The following KCNQ5 variants were observed in gnomAD, a reference collection of about 807,000 sequenced individuals.
KCNQ5 encodes the protein potassium voltage-gated channel subfamily KQT member 5.
Under a neutral mutation model 98.2 loss-of-function variants are expected in KCNQ5, and 30 were observed. That is an observed-to-expected ratio of 0.31 (90% CI 0.23 to 0.41). KCNQ5 has a LOEUF of 0.41. Ranked by LOEUF, KCNQ5 falls within the 10% of genes least tolerant of loss-of-function variation. KCNQ5 has a pLI of 1.00. For missense variants in KCNQ5, 835 were observed against 1,182.5 expected (o/e 0.71, Z 4.31); for synonymous variants, 458 against 449.4 (o/e 1.02, Z -0.24).
At chr6:72,785,087 C>T (rs1456931388) in intron 1 of KCNQ5, among the ~76,000 whole-genome samples, 1 of 152,204 alleles carries the variant, frequency 6.6e-6, no homozygotes, top group East Asian at 1.9e-4. Flanking sequence ...CACTAAAGTG[C>T]TTTAGACTTG....
chr6:72,896,964 G>T (rs1779276491), intron 1 of KCNQ5, among the ~76,000 whole-genome samples: 1 of 151,874 alleles, frequency 6.6e-6, no homozygotes. Context: ...TGGTTGGTTG[G>T]TTTTTTGTTT....
At chr6:73,186,091 G>A (rs1778561381) in intron 11 of KCNQ5, among the ~76,000 whole-genome samples, 1 of 152,128 alleles carries the variant, frequency 6.6e-6, no homozygotes. Context: ...TAACCGGTGT[G>A]GGGGTATCTC....
chr6:72,852,235 G>A (rs1305952937), intron 1 of KCNQ5, among the ~76,000 whole-genome samples: 1 of 152,062 alleles, frequency 6.6e-6, no homozygotes, highest in African/African-American at 2.4e-5. Context: ...GCTCATACAA[G>A]CTTGTGAGAG....
At chr6:72,637,626 G>C (rs977323755) in intron 1 of KCNQ5, among the ~76,000 whole-genome samples, 1 of 152,120 alleles carries the variant, frequency 6.6e-6, no homozygotes, top group African/African-American at 2.4e-5. Context: ...ATGGATTTCA[G>C]ACCTAGATCA....
chr6:72,994,564 C>T (rs1769194351), intron 1 of KCNQ5, among the ~76,000 whole-genome samples: 1 of 148,568 alleles, frequency 6.7e-6, no homozygotes, highest in African/African-American at 2.5e-5. Context: ...CTGTCTGGCA[C>T]TCCCTAGTGA....
intron 1 of KCNQ5, among the ~76,000 whole-genome samples, chr6:72,804,595 T>C (rs191587903): frequency 6.6e-6 from 1 of 152,316 alleles, no homozygotes; most frequent in East Asian, 1.9e-4. Context: ...CTTCCAAATC[T>C]TGGCTGTTAT....
At chr6:72,677,342 T>A (rs1314308334) in intron 1 of KCNQ5, 2 of 152,194 alleles carry the variant, frequency 1.3e-5, no homozygotes, top group Non-Finnish European at 2.9e-5. Flanking sequence ...TCTAGACAAT[T>A]TGGGAACCTC....
intron 1 of KCNQ5, among the ~76,000 whole-genome samples, chr6:72,663,439 T>A (rs775213964): frequency 3.3e-5 from 5 of 152,060 alleles, no homozygotes; most frequent in Non-Finnish European, 7.4e-5. Context: ...TTCCTAAGAG[T>A]GAGTACACCA....
At chr6:72,917,673 A>G (rs1229683774) in intron 1 of KCNQ5, among the ~76,000 whole-genome samples, 2 of 151,788 alleles carry the variant, frequency 1.3e-5, no homozygotes, top group Admixed American at 6.6e-5. Flanking sequence ...GGGTTTCACC[A>G]TGTTGGCCAG....
At chr6:73,038,455 T>C (rs745410181) in intron 2 of KCNQ5, among the ~76,000 whole-genome samples, 8 of 152,082 alleles carry the variant, frequency 5.3e-5, no homozygotes, top group Non-Finnish European at 1.2e-4. Context: ...GTTCTTAATG[T>C]TGGGGAAAAG....
At chr6:72,692,556 A>G (rs1442578341) in intron 1 of KCNQ5, among the ~76,000 whole-genome samples, 1 of 152,220 alleles carries the variant, frequency 6.6e-6, no homozygotes. Flanking sequence ...CTGCAAATAC[A>G]TTTCTTGTAA....
chr6:73,004,988 G>C (rs892505294), intron 2 of KCNQ5, among the ~76,000 whole-genome samples: 1 of 152,234 alleles, frequency 6.6e-6, no homozygotes, highest in Non-Finnish European at 1.5e-5. Context: ...TAACCTGAGA[G>C]AGGGGGCAGA....
At chr6:72,689,022 A>C (rs916035032) in intron 1 of KCNQ5, among the ~76,000 whole-genome samples, 65 of 152,252 alleles carry the variant, frequency 4.3e-4, no homozygotes, top group African/African-American at 1.5e-3. Flanking sequence ...TTGACTATTA[A>C]AAATGTAACC....
At chr6:72,670,995 C>G (rs1374555332) in intron 1 of KCNQ5, among the ~76,000 whole-genome samples, 1 of 152,156 alleles carries the variant, frequency 6.6e-6, no homozygotes, top group Non-Finnish European at 1.5e-5. Context: ...CAGGCAAGTT[C>G]TTTGCCACCT....
intron 11 of KCNQ5, among the ~76,000 whole-genome samples, chr6:73,182,288 G>A (rs774746889): frequency 6.6e-6 from 1 of 152,158 alleles, no homozygotes; most frequent in Non-Finnish European, 1.5e-5. Flanking sequence ...GCTGACTTGA[G>A]TAGTTTCAGC....
At chr6:73,055,116 T>G (rs1772412874) in intron 3 of KCNQ5, 1 of 749,260 alleles carries the variant, frequency 1.3e-6, no homozygotes, top group Admixed American at 1.7e-5. Flanking sequence ...TACAAACTGG[T>G]GCAGATCCAG....
chr6:73,139,583 C>A (rs1052657017), intron 10 of KCNQ5, among the ~76,000 whole-genome samples: 1 of 152,098 alleles, frequency 6.6e-6, no homozygotes, highest in African/African-American at 2.4e-5. Flanking sequence ...ACATAAAAGC[C>A]AGATTTATAA....
intron 1 of KCNQ5, among the ~76,000 whole-genome samples, chr6:72,769,139 G>A (rs924432992): frequency 6.6e-6 from 1 of 152,044 alleles, no homozygotes; most frequent in African/African-American, 2.4e-5. Context: ...GAAGAGAACA[G>A]AGTTAAATAA....
At chr6:72,652,777 C>G (rs1485776110) in intron 1 of KCNQ5, among the ~76,000 whole-genome samples, 1 of 152,030 alleles carries the variant, frequency 6.6e-6, no homozygotes, top group Non-Finnish European at 1.5e-5. Context: ...GGAAAGAACA[C>G]CCAATCCTAG....
Sources: allele counts gnomAD v4.1 joint callset (sites outside exome capture counted in the v4.1 genomes callset), GRCh38; gene constraint gnomAD v4.1.1; transcripts MANE v1.5; gene names NCBI Gene and HGNC (gene_info 2026-07-23, HGNC 2026-07-21).